The following ORC4 variants were observed in gnomAD, a reference collection of about 807,000 sequenced individuals.
ORC4 encodes origin recognition complex, subunit 4 homolog.
A neutral mutation model predicts 63.9 loss-of-function variants in ORC4; 55 were observed. The ratio of observed to expected loss-of-function variants is 0.86; its 90% CI spans 0.69 to 1.08. ORC4 has a LOEUF of 1.08. ORC4 is among the 50% of genes least tolerant of loss of function. The pLI is 0.00. For synonymous variants in ORC4, 150 were observed against 168.5 expected (o/e 0.89, Z 0.85); for missense variants, 511 against 504.4 (o/e 1.01, Z -0.13).
chr2:148,010,848 CTTTTTTTTTTTT>C (rs201359357), intron 1 of ORC4, among the ~76,000 whole-genome samples: 1 of 98,534 alleles, frequency 1.0e-5, no homozygotes, highest in Non-Finnish European at 2.0e-5. Flanking sequence ...CAGATTTATT[CTTTTTTTTTTTT>C]TTTTTTTTTT....
chr2:147,975,596 C>T (rs1690501635), intron 2 of ORC4, among the ~76,000 whole-genome samples: 1 of 149,616 alleles, frequency 6.7e-6, no homozygotes, highest in Admixed American at 6.6e-5. Context: ...AATTAAATTA[C>T]AGTATAAAAC....
At chr2:147,968,234 G>A (rs926515115) in intron 4 of ORC4, among the ~76,000 whole-genome samples, 9 of 152,054 alleles carry the variant, frequency 5.9e-5, no homozygotes, top group Middle Eastern at 6.8e-3. Flanking sequence ...ACTAGTCTAG[G>A]AAAATATCTT....
At chr2:147,993,940 T>C (rs917683117) in intron 1 of ORC4, among the ~76,000 whole-genome samples, 2 of 152,222 alleles carry the variant, frequency 1.3e-5, no homozygotes, top group South Asian at 4.1e-4. Context: ...TAGTATGCTA[T>C]GATTATGCAC....
At chr2:147,988,587 G>C (rs1691373333) in intron 1 of ORC4, among the ~76,000 whole-genome samples, 1 of 151,968 alleles carries the variant, frequency 6.6e-6, no homozygotes, top group South Asian at 2.1e-4. Flanking sequence ...TCGAACTCCT[G>C]ACCTCAAGTG....
intron 7 of ORC4, among the ~76,000 whole-genome samples, chr2:147,953,862 A>G (rs1440132844): frequency 6.6e-6 from 1 of 152,152 alleles, no homozygotes; most frequent in African/African-American, 2.4e-5. Context: ...ACAGTAGCCT[A>G]AATGACTTAA....
chr2:147,997,459 T>C (rs1692039856), intron 1 of ORC4, among the ~76,000 whole-genome samples: 1 of 152,188 alleles, frequency 6.6e-6, no homozygotes, highest in Non-Finnish European at 1.5e-5. Context: ...TTATATCTTA[T>C]CTTTCTTTGT....
chr2:147,984,966 T>C (rs1395070258), intron 1 of ORC4, among the ~76,000 whole-genome samples: 1 of 152,200 alleles, frequency 6.6e-6, no homozygotes, highest in Non-Finnish European at 1.5e-5. Flanking sequence ...TCCATTCCTA[T>C]GCTTTCCAAG....
intron 4 of ORC4, among the ~76,000 whole-genome samples, chr2:147,963,689 C>T (rs916356806): frequency 1.3e-5 from 2 of 152,128 alleles, no homozygotes; most frequent in African/African-American, 4.8e-5. Context: ...GCCCCATCTG[C>T]CAGTGTGTCA....
intron 1 of ORC4, among the ~76,000 whole-genome samples, chr2:147,993,829 C>T (rs1384127107): frequency 6.6e-6 from 1 of 152,116 alleles, no homozygotes; most frequent in Admixed American, 6.5e-5. Flanking sequence ...ATCAATGGGA[C>T]AATAATTGAT....
chr2:147,931,471 C>T lies in ORC4; in HGVS notation c.*4039G>A, dbSNP rs1300136571. Reference sequence around the variant, plus strand: ...TGGTTGAACTAGTTTACAGTCCCACCAACAGTGTGAAAGTGTTCCTATTTC... The same window carrying T: ...TGGTTGAACTAGTTTACAGTCCCACTAACAGTGTGAAAGTGTTCCTATTTC... On this transcript the variant is annotated 3_prime_UTR_variant, in exon 14 of 14. Transcript: ENST00000392857. 6.6e-6 allele frequency: 1 copy of T among 152,046 alleles called. No individual in the cohort carries two copies. The highest frequency in any genetic ancestry group is 1.5e-5 in the Non-Finnish European group (1 of 68,012). The allele number at this position is 152,046 out of a possible 1,614,324, so 9.4% of individuals were successfully genotyped here. A position where few individuals can be genotyped will look rare whatever the true frequency, so the allele number is the denominator to read the frequency against.
intron 1 of ORC4, among the ~76,000 whole-genome samples, chr2:148,002,075 A>C (rs1200674436): frequency 6.6e-6 from 1 of 152,194 alleles, no homozygotes; most frequent in East Asian, 1.9e-4. Context: ...CTAAATATAT[A>C]TGCACCCAAT....
intron 10 of ORC4, 77 bp from the exon 11 acceptor site, chr2:147,939,325 TTGTA>T: frequency 1.2e-6 from 1 of 850,316 alleles, no homozygotes; most frequent in Non-Finnish European, 2.0e-6. Context: ...ACTTCTGAAT[TTGTA>T]TAGTTAATTC....
intron 4 of ORC4, among the ~76,000 whole-genome samples, chr2:147,968,517 A>T (rs554107573): frequency 6.6e-6 from 1 of 152,236 alleles, no homozygotes; most frequent in African/African-American, 2.4e-5. Flanking sequence ...ACATATAGCC[A>T]ACGAATACAT....
At chr2:147,960,268 G>C (rs951283343) in intron 4 of ORC4, 12 of 984,926 alleles carry the variant, frequency 1.2e-5, no homozygotes, top group Non-Finnish European at 1.4e-5. Flanking sequence ...TGCTTTGCTT[G>C]GATCAGCCCA....
intron 8 of ORC4, chr2:147,951,347 T>C (rs2105295215): frequency 6.6e-6 from 1 of 152,352 alleles, no homozygotes; most frequent in South Asian, 2.1e-4. Flanking sequence ...TTGGATATGG[T>C]TTGTCCCCAC....
At chr2:147,989,085 C>T (rs1159163134) in intron 1 of ORC4, among the ~76,000 whole-genome samples, 1 of 152,168 alleles carries the variant, frequency 6.6e-6, no homozygotes, top group Non-Finnish European at 1.5e-5. Flanking sequence ...ATAGAGAGTT[C>T]ATTTGAGCCA....
chr2:147,995,537 C>G (rs971504278), intron 1 of ORC4, among the ~76,000 whole-genome samples: 2 of 152,172 alleles, frequency 1.3e-5, no homozygotes, highest in African/African-American at 2.4e-5. Flanking sequence ...CTTGCTGCTG[C>G]TCACTCTTTG....
chr2:147,977,263 A>C (rs974023443), intron 1 of ORC4, among the ~76,000 whole-genome samples: 1 of 152,214 alleles, frequency 6.6e-6, no homozygotes, highest in African/African-American at 2.4e-5. Flanking sequence ...GGTCTCATCT[A>C]ATCTCCAGAA....
At chr2:147,989,980 T>G (rs1691484845) in intron 1 of ORC4, among the ~76,000 whole-genome samples, 1 of 152,190 alleles carries the variant, frequency 6.6e-6, no homozygotes, top group South Asian at 2.1e-4. Flanking sequence ...GATGGGGGCA[T>G]TACTTTGTGA....
Sources: allele counts gnomAD v4.1 joint callset (sites outside exome capture counted in the v4.1 genomes callset), GRCh38; gene constraint gnomAD v4.1.1; transcripts MANE v1.5; gene names NCBI Gene and HGNC (gene_info 2026-07-23, HGNC 2026-07-21).